The following RIMS2 variants were observed in gnomAD, a reference collection of about 807,000 sequenced individuals.
The protein encoded by RIMS2 is regulating synaptic membrane exocytosis protein 2.
In RIMS2, 59 loss-of-function variants were observed where a neutral mutation model predicts 174.4. That is an observed-to-expected ratio of 0.34 (90% CI 0.27 to 0.42). The LOEUF (loss-of-function observed/expected upper bound fraction) is 0.42, where lower values mean the gene tolerates loss of function less well. RIMS2 is among the 10% of genes least tolerant of loss of function. RIMS2 has a pLI of 1.00. For missense variants in RIMS2, 1,620 were observed against 1,666.3 expected, an observed-to-expected ratio of 0.97 and a Z score of 0.48; for synonymous variants, 606 against 572.5, an observed-to-expected ratio of 1.06 and a Z score of -0.84.
rs184822505 is a variant in RIMS2, at chr8:103,551,893, A to C, written c.176+50831A>C. 2.0e-3 allele frequency among the ~76,000 whole-genome samples: 308 copies of C among 152,310 alleles called. 8 individuals carry two copies. The East Asian group carries it at 0.054, about 27-fold the overall frequency. On this transcript the variant is annotated intron_variant, in intron 1 of 23. Transcript: ENST00000504942. ...AAAATACCTAGGAATCCAACTTACA[A>C]GGGATGTGAAGGACCTCTTCAAAGA...
intron 19 of RIMS2, among the ~76,000 whole-genome samples, chr8:104,060,284 C>T (rs2096958582): frequency 6.7e-6 from 1 of 150,326 alleles, no homozygotes; most frequent in African/African-American, 2.4e-5. Flanking sequence ...CAACTTCTTC[C>T]TGGTTTAGTC....
chr8:103,919,684 T>G (rs1177403126), intron 9 of RIMS2, among the ~76,000 whole-genome samples: 1 of 152,096 alleles, frequency 6.6e-6, no homozygotes, highest in African/African-American at 2.4e-5. Flanking sequence ...AAAATAGATG[T>G]TTTTTACTTT....
At chr8:103,876,464 G>C (rs1051050878) in intron 3 of RIMS2, among the ~76,000 whole-genome samples, 1 of 151,172 alleles carries the variant, frequency 6.6e-6, no homozygotes, top group African/African-American at 2.4e-5. Context: ...TTTTGTTTCC[G>C]TAGGTTTTTG....
Position 103,794,819 on chromosome 8 carries a change from C to G in RIMS2, c.698+28282C>G, listed in dbSNP as rs142706205. Among the ~76,000 whole-genome samples, 1,192 of 152,256 alleles carry G rather than the reference C, an allele frequency of 7.8e-3. 19 individuals are homozygous for G. The highest frequency in any genetic ancestry group is 0.05 in the South Asian group (239 of 4,826). ...CAAAAGAAGACATTTATGCAGCCAA[C>G]AGACACATGAGAAAATGCTCATCAT... On this transcript the variant is annotated intron_variant, in intron 3 of 23. Transcript: ENST00000504942.
At chr8:104,098,515 TA>T (rs1310583924) in intron 19 of RIMS2, among the ~76,000 whole-genome samples, 1 of 152,164 alleles carries the variant, frequency 6.6e-6, no homozygotes, top group East Asian at 1.9e-4. Flanking sequence ...GTGTTCAAAC[TA>T]AAAATCAAGA....
At chr8:103,723,755 T>C (rs2097487529) in intron 2 of RIMS2, among the ~76,000 whole-genome samples, 1 of 152,278 alleles carries the variant, frequency 6.6e-6, no homozygotes, top group Non-Finnish European at 1.5e-5. Context: ...TGAGCCAACA[T>C]GAAAGGCTTG....
At chr8:104,023,883 A>T (rs1011056901) in intron 19 of RIMS2, among the ~76,000 whole-genome samples, 6 of 152,166 alleles carry the variant, frequency 3.9e-5, no homozygotes, top group African/African-American at 1.4e-4. Flanking sequence ...ACCAGAGATG[A>T]AAAAAGTGGG....
At chr8:103,891,722 A>G (rs570592462) in intron 4 of RIMS2, among the ~76,000 whole-genome samples, 2 of 152,238 alleles carry the variant, frequency 1.3e-5, no homozygotes, top group South Asian at 2.1e-4. Flanking sequence ...GCTATAAATT[A>G]TGAAATGTTT....
At chr8:103,690,218 C>T (rs2097002134) in intron 1 of RIMS2, among the ~76,000 whole-genome samples, 1 of 152,172 alleles carries the variant, frequency 6.6e-6, no homozygotes, top group East Asian at 1.9e-4. Flanking sequence ...CCCACCTCAG[C>T]TTCCTGAAGT....
rs1194550934 is a variant in RIMS2, at chr8:103,575,677, C to CATATATAT, written c.176+74616_176+74617insTATATATA. Reference sequence around the variant, plus strand: ...ATATATATAAACACACACATACACACACACACACATATATATATATATACA... The same window carrying CATATATAT: ...ATATATATAAACACACACATACACACATATATATACACACACATATATATATATATACA... On this transcript the variant is annotated intron_variant, in intron 1 of 23. Coordinates refer to ENST00000504942, the Ensembl canonical transcript of RIMS2. Among the ~76,000 whole-genome samples, 33 of 85,950 alleles carry CATATATAT rather than the reference C, an allele frequency of 3.8e-4. No homozygotes were observed. In the East Asian group the frequency reaches 8.7e-3, roughly 23 times the overall value. The allele number at this position is 85,950 out of a possible 152,430, so 56.4% of individuals were successfully genotyped here. A position where few individuals can be genotyped will look rare whatever the true frequency, so the allele number is the denominator to read the frequency against.
chr8:104,148,642 G>A (rs141633396), intron 19 of RIMS2: 453 of 1,598,020 alleles, frequency 2.8e-4, no homozygotes, highest in Admixed American at 3.5e-4. Context: ...AGACAAATGG[G>A]CATATCAGGG....
In RIMS2 at chr8:103,632,235, C is replaced by T. The variant is rs142492199; in HGVS notation, c.177-64851C>T. Among the ~76,000 whole-genome samples, 641 of 152,268 alleles carry T rather than the reference C, an allele frequency of 4.2e-3. 4 individuals are homozygous for T. The highest frequency in any genetic ancestry group is 0.015 in the African/African-American group (610 of 41,568). The stretch of plus-strand genomic sequence containing the variant: ...AAGGGGAATGCTTCCAGCTTTTGCT[C>T]ATTCAGTATAATGTTGGCTGTGGGT... On this transcript the variant is annotated intron_variant, in intron 1 of 23. Coordinates refer to ENST00000504942, the Ensembl canonical transcript of RIMS2.
At chr8:104,173,819 G>T (rs2098847664) in intron 19 of RIMS2, among the ~76,000 whole-genome samples, 1 of 150,000 alleles carries the variant, frequency 6.7e-6, no homozygotes, top group African/African-American at 2.4e-5. Context: ...TAGTAGAGAC[G>T]GGGTTTCACA....
chr8:103,568,902 T>C (rs1224660630), intron 1 of RIMS2: 3 of 1,069,840 alleles, frequency 2.8e-6, no homozygotes, highest in Non-Finnish European at 4.3e-6. Context: ...AAGACCACAT[T>C]GCTGCAACAC....
chr8:103,987,681 GA>G, intron 16 of RIMS2, among the ~76,000 whole-genome samples: 1 of 152,094 alleles, frequency 6.6e-6, no homozygotes, highest in Non-Finnish European at 1.5e-5. Context: ...GAGAAGAGAT[GA>G]AAACCATCAT....
At chr8:103,752,271 C>T (rs574138984) in intron 2 of RIMS2, among the ~76,000 whole-genome samples, 210 of 152,010 alleles carry the variant, frequency 1.4e-3, no homozygotes, top group Admixed American at 3.5e-3. Context: ...AGATATGCAG[C>T]GTTATTTCTG....
chr8:103,661,455 C>T (rs1361204415), intron 1 of RIMS2, among the ~76,000 whole-genome samples: 2 of 151,916 alleles, frequency 1.3e-5, no homozygotes, highest in Non-Finnish European at 2.9e-5. Flanking sequence ...TAGTTGCTCT[C>T]TAATTTCCCT....
At chr8:103,963,562 A>G (rs1302705107) in intron 15 of RIMS2, among the ~76,000 whole-genome samples, 2 of 152,160 alleles carry the variant, frequency 1.3e-5, no homozygotes, top group Non-Finnish European at 2.9e-5. Flanking sequence ...GGGCAGCATT[A>G]GGTTTATAGC....
intron 1 of RIMS2, among the ~76,000 whole-genome samples, chr8:103,694,996 C>T (rs1181649276): frequency 2.0e-5 from 3 of 152,174 alleles, no homozygotes; most frequent in Admixed American, 6.5e-5. Flanking sequence ...GGGGGTCTGC[C>T]TAGCACCTCA....
Sources: allele counts gnomAD v4.1 joint callset (sites outside exome capture counted in the v4.1 genomes callset), GRCh38; gene constraint gnomAD v4.1.1; transcripts MANE v1.5; gene names NCBI Gene and HGNC (gene_info 2026-07-23, HGNC 2026-07-21).